Variants in PDE10A observed in about 807,000 individuals in gnomAD.
The protein encoded by PDE10A is phosphodiesterase 10A, also known as cAMP and cAMP-inhibited cGMP 3',5'-cyclic phosphodiesterase 10A.
Under a neutral mutation model 97.7 loss-of-function variants are expected in PDE10A, and 39 were observed. The ratio of observed to expected loss-of-function variants is 0.40; its 90% confidence interval spans 0.31 to 0.52. PDE10A has a LOEUF of 0.52. PDE10A is among the 20% of genes least tolerant of loss of function. The pLI, the probability that PDE10A is intolerant of heterozygous loss-of-function variation, is 0.56. For synonymous variants in PDE10A, 371 were observed against 376.8 expected (o/e 0.98, Z 0.18); for missense variants, 731 against 1,047.8 (o/e 0.70, Z 4.17).
chr6:165,979,338 C>T (rs746512575), intron 1 of PDE10A, among the ~76,000 whole-genome samples: 3 of 152,176 alleles, frequency 2.0e-5, no homozygotes, highest in Admixed American at 1.3e-4. Context: ...CATGTTTCTG[C>T]TTCTCTCTCA....
chr6:165,553,740 A>G (rs751023010), intron 1 of PDE10A, among the ~76,000 whole-genome samples: 42 of 152,240 alleles, frequency 2.8e-4, no homozygotes, highest in Non-Finnish European at 5.0e-4. Flanking sequence ...CCAAAGTGAA[A>G]TTAATTACTT....
intron 1 of PDE10A, among the ~76,000 whole-genome samples, chr6:165,852,833 C>T (rs993824342): frequency 4.6e-5 from 7 of 152,226 alleles, no homozygotes; most frequent in South Asian, 4.1e-4. Flanking sequence ...CATCCTAGCT[C>T]GTGGCTCATT....
At chr6:165,458,168 A>G (rs972937911) in intron 3 of PDE10A, among the ~76,000 whole-genome samples, 4 of 152,116 alleles carry the variant, frequency 2.6e-5, no homozygotes, top group African/African-American at 9.7e-5. Context: ...TTTTATTTTG[A>G]CATAATTTCG....
intron 1 of PDE10A, among the ~76,000 whole-genome samples, chr6:165,855,066 C>A (rs146531573): frequency 1.4e-4 from 21 of 152,178 alleles, no homozygotes; most frequent in Middle Eastern, 6.8e-3. Context: ...GAGGACGGGC[C>A]AGCCCTGGAC....
Position 165,786,242 on chromosome 6 carries a change from T to C in PDE10A, c.-615+201287A>G, listed in dbSNP as rs375627773. Among the ~76,000 whole-genome samples, 28 of 152,300 alleles carry C rather than the reference T, an allele frequency of 1.8e-4. 1 individual carries two copies. The South Asian group carries it at 5.8e-3, about 32-fold the overall frequency. On this transcript the variant is annotated intron_variant, in intron 1 of 19. Coordinates refer to the PDE10A transcript ENST00000366882. ...CCCTGATACAGTCTAAATCAGACAG[T>C]GTACACTGTGAGTGTCCCAGAAGTT...
At chr6:165,929,349 T>C (rs1783051255) in intron 1 of PDE10A, among the ~76,000 whole-genome samples, 1 of 152,120 alleles carries the variant, frequency 6.6e-6, no homozygotes. Flanking sequence ...CTCAGATGTG[T>C]TTGTTTGCTT....
At chr6:165,944,196 T>A (rs1330966764) in intron 1 of PDE10A, among the ~76,000 whole-genome samples, 5 of 152,218 alleles carry the variant, frequency 3.3e-5, no homozygotes, top group Admixed American at 1.3e-4. Context: ...GAGAACCGCA[T>A]GAAGGTAACC....
intron 1 of PDE10A, among the ~76,000 whole-genome samples, chr6:165,608,462 T>C (rs903626576): frequency 4.6e-5 from 7 of 152,202 alleles, no homozygotes; most frequent in African/African-American, 1.7e-4. Context: ...TATGGCTGCA[T>C]AGTATTCCAT....
chr6:165,402,972 C>A lies in PDE10A; in HGVS notation c.2077-6513G>T, dbSNP rs150431020. On this transcript the variant is annotated intron_variant, in intron 13 of 21. Transcript: ENST00000539869. The stretch of plus-strand genomic sequence containing the variant: ...TTAGGGTCGGGCAACTCTTAGAAAT[C>A]TAAACTCTGGAATCATCTACTTGGA... Among the ~76,000 whole-genome samples the A allele has an allele frequency of 6.6e-5, 10 of 152,272 alleles. No homozygotes were observed. In the East Asian group the frequency reaches 1.7e-3, roughly 26 times the overall value.
At chr6:165,577,064 G>A (rs73786647) in intron 1 of PDE10A, among the ~76,000 whole-genome samples, 16,398 of 152,256 alleles carry the variant, frequency 0.11, 1,478 homozygotes, top group African/African-American at 0.25. Context: ...AGTGGGAAGG[G>A]TAAAGAAGCA....
intron 1 of PDE10A, among the ~76,000 whole-genome samples, chr6:165,670,182 T>C (rs1001492315): frequency 6.6e-6 from 1 of 152,184 alleles, no homozygotes; most frequent in African/African-American, 2.4e-5. Flanking sequence ...CCATGTCGAT[T>C]TTGTGTATCC....
At chr6:165,712,531 G>C (rs1000875758) in intron 1 of PDE10A, among the ~76,000 whole-genome samples, 1 of 151,890 alleles carries the variant, frequency 6.6e-6, no homozygotes, top group Admixed American at 6.6e-5. Flanking sequence ...AAAGCGGCCT[G>C]GATCAGTTTG....
intron 3 of PDE10A, among the ~76,000 whole-genome samples, chr6:165,481,130 T>A (rs539964945): frequency 6.6e-6 from 1 of 152,368 alleles, no homozygotes; most frequent in East Asian, 1.9e-4. Context: ...TAATATTTTA[T>A]GACTCTGCCA....
chr6:165,480,210 C>T (rs1160831761), intron 3 of PDE10A, among the ~76,000 whole-genome samples: 4 of 152,190 alleles, frequency 2.6e-5, no homozygotes, highest in African/African-American at 7.2e-5. Flanking sequence ...GGTTTGGATA[C>T]GAAATAAAAG....
intron 1 of PDE10A, among the ~76,000 whole-genome samples, chr6:165,863,900 G>A (rs1269354122): frequency 6.6e-6 from 1 of 152,178 alleles, no homozygotes; most frequent in African/African-American, 2.4e-5. Context: ...AAGAAATCAA[G>A]ATGTAACCAA....
intron 1 of PDE10A, among the ~76,000 whole-genome samples, chr6:165,790,773 T>C (rs1320632594): frequency 1.3e-5 from 2 of 152,170 alleles, no homozygotes; most frequent in Non-Finnish European, 2.9e-5. Context: ...GGAAAGTGTG[T>C]GGATTGAGCA....
chr6:165,697,105 T>C (rs1180250689), intron 1 of PDE10A, among the ~76,000 whole-genome samples: 1 of 152,124 alleles, frequency 6.6e-6, no homozygotes, highest in African/African-American at 2.4e-5. Context: ...AGGAAAAAAG[T>C]ATTCAAATAA....
intron 1 of PDE10A, among the ~76,000 whole-genome samples, chr6:165,544,354 C>T (rs1403401405): frequency 2.6e-5 from 4 of 152,138 alleles, no homozygotes; most frequent in Non-Finnish European, 5.9e-5. Flanking sequence ...ACTGAATATA[C>T]ATAAGATTTG....
chr6:165,441,252 C>T (rs552448441), intron 5 of PDE10A, among the ~76,000 whole-genome samples: 1 of 152,286 alleles, frequency 6.6e-6, no homozygotes, highest in South Asian at 2.1e-4. Context: ...AATTCATGGT[C>T]ACAGAGCCTT....
Sources: gnomAD v4.1 joint callset for allele counts (sites outside exome capture counted in the v4.1 genomes callset) on GRCh38, gnomAD v4.1.1 for gene constraint, MANE v1.5 for transcripts, NCBI Gene and HGNC (gene_info 2026-07-23, HGNC 2026-07-21) for gene names.